BTBD9: variants seen among roughly 807,000 people sequenced by gnomAD.
The protein encoded by BTBD9 is BTB domain containing 9, also known as BTB/POZ domain-containing protein 9.
In BTBD9, 49 loss-of-function variants were observed where a neutral mutation model predicts 64.3. The observed-to-expected ratio is 0.76, with a 90% CI of 0.61 to 0.97. BTBD9 has a LOEUF of 0.97. Ranked by LOEUF, BTBD9 falls within the 50% of genes least tolerant of loss-of-function variation. The probability of loss-of-function intolerance (pLI) is 0.00; values close to 1 mark genes in which losing one functional copy is unlikely to be tolerated. For synonymous variants in BTBD9, 260 were observed against 274.7 expected (o/e 0.95, Z 0.53); for missense variants, 598 against 762.1 (o/e 0.78, Z 2.53).
At chr6:38,218,701 G>A (rs555230557) in intron 9 of BTBD9, among the ~76,000 whole-genome samples, 1 of 152,164 alleles carries the variant, frequency 6.6e-6, no homozygotes, top group Non-Finnish European at 1.5e-5. Flanking sequence ...TGTGTGGCAC[G>A]GACAGAAGCT....
intron 9 of BTBD9, among the ~76,000 whole-genome samples, chr6:38,223,113 G>C (rs969654980): frequency 6.6e-6 from 1 of 152,012 alleles, no homozygotes; most frequent in African/African-American, 2.4e-5. Context: ...CACCATGTTG[G>C]CCAGGCTGGT....
rs912617514 is a variant in BTBD9, at chr6:38,309,908, A to G, written c.1265-21447T>C. On this transcript the variant is annotated intron_variant, in intron 7 of 10. Coordinates refer to ENST00000481247, the MANE Select transcript of BTBD9 (RefSeq NM_001099272.2). ...AACATTAAATGGAGCTGGGTATGCTATAGAGAAAATGTCCCCATCAGATCT... is the reference window on the plus strand; with the variant it reads ...AACATTAAATGGAGCTGGGTATGCTGTAGAGAAAATGTCCCCATCAGATCT... Among the ~76,000 whole-genome samples, 25 of 152,110 alleles carry G rather than the reference A, an allele frequency of 1.6e-4. No individual in the cohort carries two copies. The South Asian group carries it at 1.9e-3, about 11-fold the overall frequency.
At chr6:38,504,910 G>C (rs912469799) in intron 6 of BTBD9, among the ~76,000 whole-genome samples, 14 of 152,158 alleles carry the variant, frequency 9.2e-5, no homozygotes, top group Non-Finnish European at 1.3e-4. Context: ...CCTTTCACTT[G>C]TCTGCTGTTT....
chr6:38,461,595 G>A (rs1005085836), intron 6 of BTBD9, among the ~76,000 whole-genome samples: 2 of 152,100 alleles, frequency 1.3e-5, no homozygotes, highest in Non-Finnish European at 2.9e-5. Context: ...TTCCAGTTTT[G>A]CATATTAAAA....
At chr6:38,409,068 G>A (rs1387828788) in intron 6 of BTBD9, among the ~76,000 whole-genome samples, 1 of 152,114 alleles carries the variant, frequency 6.6e-6, no homozygotes, top group African/African-American at 2.4e-5. Context: ...AGGCCAACAT[G>A]GTGAAACCCT....
rs201420310 is a variant in BTBD9 at position 38,460,613 on chromosome 6, GT to G, written c.1155-115521del. Among the ~76,000 whole-genome samples the G allele has an allele frequency of 3.1e-3, 472 of 151,912 alleles. 2 individuals are homozygous for G. The highest frequency in any genetic ancestry group is 0.011 in the African/African-American group (449 of 41,450). On this transcript the variant is annotated intron_variant, in intron 6 of 10. Transcript: ENST00000481247. ...TGTTACTAATCATTTCACAGTTAGG[GT>G]TTTTTTTGTTTTTGTTTTTGTTTTT... is the stretch of plus-strand genomic sequence containing the variant.
chr6:38,313,747 CTTTTT>C (rs765375990), intron 7 of BTBD9, among the ~76,000 whole-genome samples: 1 of 128,904 alleles, frequency 7.8e-6, no homozygotes, highest in Admixed American at 7.8e-5. Context: ...GATGAATTAT[CTTTTT>C]TTTTTTTTTT....
intron 8 of BTBD9, among the ~76,000 whole-genome samples, chr6:38,270,159 GC>G (rs1339764349): frequency 1.3e-5 from 2 of 152,154 alleles, no homozygotes; most frequent in Non-Finnish European, 2.9e-5. Flanking sequence ...CTTTTGTTCA[GC>G]CGGCTCACTC....
chr6:38,211,257 G>A (rs962853401), intron 9 of BTBD9, among the ~76,000 whole-genome samples: 21 of 152,072 alleles, frequency 1.4e-4, no homozygotes, highest in African/African-American at 2.9e-4. Context: ...GTGAAACCCC[G>A]TCTCTTCTAA....
intron 6 of BTBD9, among the ~76,000 whole-genome samples, chr6:38,554,126 A>C (rs1406974170): frequency 6.6e-6 from 1 of 152,208 alleles, no homozygotes; most frequent in Admixed American, 6.5e-5. Context: ...ATAAATTAAG[A>C]TTTATGGCTA....
intron 7 of BTBD9, among the ~76,000 whole-genome samples, chr6:38,303,255 G>C (rs1192397499): frequency 6.6e-6 from 1 of 151,972 alleles, no homozygotes; most frequent in Non-Finnish European, 1.5e-5. Flanking sequence ...TTTTCTTCTA[G>C]TAGTTTTATT....
At chr6:38,208,335 C>T (rs1762724018) in intron 9 of BTBD9, among the ~76,000 whole-genome samples, 1 of 152,174 alleles carries the variant, frequency 6.6e-6, no homozygotes, top group Non-Finnish European at 1.5e-5. Context: ...CCCACTGTCC[C>T]TCCAAGCATG....
chr6:38,450,479 C>G (rs1397653608), intron 6 of BTBD9, among the ~76,000 whole-genome samples: 1 of 152,018 alleles, frequency 6.6e-6, no homozygotes, highest in African/African-American at 2.4e-5. Flanking sequence ...ATCTACTATT[C>G]CACTAAGTAT....
intron 6 of BTBD9, among the ~76,000 whole-genome samples, chr6:38,508,313 T>C (rs1001697067): frequency 6.6e-6 from 1 of 152,138 alleles, no homozygotes; most frequent in Non-Finnish European, 1.5e-5. Context: ...TAGTGAATGG[T>C]ACCTCCATCC....
At chr6:38,195,062 A>C (rs1287116676) in intron 9 of BTBD9, among the ~76,000 whole-genome samples, 1 of 152,246 alleles carries the variant, frequency 6.6e-6, no homozygotes, top group Non-Finnish European at 1.5e-5. Flanking sequence ...AAGTATCAGT[A>C]GTAAGGGAAG....
chr6:38,360,427 T>C (rs930565755), intron 6 of BTBD9, among the ~76,000 whole-genome samples: 4 of 152,128 alleles, frequency 2.6e-5, no homozygotes, highest in African/African-American at 7.2e-5. Context: ...AAAAAATATA[T>C]GAACAAGTCA....
At chr6:38,412,650 G>C (rs914858909) in intron 6 of BTBD9, among the ~76,000 whole-genome samples, 2 of 151,836 alleles carry the variant, frequency 1.3e-5, no homozygotes, top group African/African-American at 4.8e-5. Flanking sequence ...AACGAGGTCA[G>C]GAGTTTGAGA....
intron 6 of BTBD9, among the ~76,000 whole-genome samples, chr6:38,574,128 C>T (rs971799715): frequency 9.2e-5 from 14 of 152,176 alleles, no homozygotes; most frequent in Admixed American, 2.0e-4. Flanking sequence ...ACTTAACTCA[C>T]GAACATTCCT....
At chr6:38,434,265 T>C (rs1768600009) in intron 6 of BTBD9, among the ~76,000 whole-genome samples, 1 of 151,972 alleles carries the variant, frequency 6.6e-6, no homozygotes, top group Non-Finnish European at 1.5e-5. Flanking sequence ...TAGCACCTTT[T>C]AAAGGTCTGA....
Sources: allele counts gnomAD v4.1 joint callset (sites outside exome capture counted in the v4.1 genomes callset), GRCh38; gene constraint gnomAD v4.1.1; transcripts MANE v1.5; gene names NCBI Gene and HGNC (gene_info 2026-07-23, HGNC 2026-07-21).